TNS3: variants seen among roughly 807,000 people sequenced by gnomAD.
TNS3 encodes tensin 3, also known as tensin-3.
Under a neutral mutation model 140.9 loss-of-function variants are expected in TNS3, and 45 were observed. The observed-to-expected ratio is 0.32, with a 90% CI of 0.25 to 0.41. TNS3 has a LOEUF of 0.41. TNS3 is among the 10% of genes least tolerant of loss of function. TNS3 has a pLI of 1.00. For missense variants in TNS3, 1,716 were observed against 1,906.7 expected, an observed-to-expected ratio of 0.90 and a Z score of 1.86; for synonymous variants, 815 against 788.4, an observed-to-expected ratio of 1.03 and a Z score of -0.56.
chr7:47,563,042 G>A (rs542408656), intron 1 of TNS3, among the ~76,000 whole-genome samples: 4 of 152,270 alleles, frequency 2.6e-5, no homozygotes, highest in Admixed American at 6.5e-5. Flanking sequence ...AGCTATGCCC[G>A]TTCTTGTTTA....
At chr7:47,355,394 G>C (rs1423926994) in intron 17 of TNS3, among the ~76,000 whole-genome samples, 3 of 152,184 alleles carry the variant, frequency 2.0e-5, no homozygotes, top group Admixed American at 6.5e-5. Flanking sequence ...TCTGAGGAAA[G>C]AGCAGGAAAG....
At chr7:47,300,725 C>T (rs571502297) in intron 23 of TNS3, among the ~76,000 whole-genome samples, 20 of 152,330 alleles carry the variant, frequency 1.3e-4, no homozygotes, top group African/African-American at 4.6e-4. Context: ...GGATAGGCAC[C>T]TCTCAGTTTG....
chr7:47,293,693 T>G lies in TNS3; in HGVS notation c.3772+40A>C, dbSNP rs200937327. On this transcript the variant is annotated intron_variant, in intron 25 of 30. Transcript: ENST00000311160. ...GTGAGCAGAGGGAATCCAGGCCTCA[T>G]GAGTTCAGAACATTGACAGCAACCT... 1.9e-6 allele frequency: 3 copies of G among 1,579,112 alleles called. No homozygotes were observed. In the African/African-American group the frequency reaches 4.0e-5, roughly 21 times the overall value.
At chr7:47,359,801 G>C (rs752912568) in intron 17 of TNS3, among the ~76,000 whole-genome samples, 14 of 152,198 alleles carry the variant, frequency 9.2e-5, no homozygotes, top group Non-Finnish European at 1.3e-4. Flanking sequence ...GCGCTAGAAG[G>C]TATCTGTTAT....
intron 3 of TNS3, among the ~76,000 whole-genome samples, chr7:47,500,501 C>A (rs73695360): frequency 6.6e-6 from 1 of 152,152 alleles, no homozygotes; most frequent in Non-Finnish European, 1.5e-5. Context: ...AGAAGTGTGA[C>A]GAGTAAATGA....
At chr7:47,440,796 C>T (rs1353016496) in intron 5 of TNS3, among the ~76,000 whole-genome samples, 1 of 152,222 alleles carries the variant, frequency 6.6e-6, no homozygotes, top group Non-Finnish European at 1.5e-5. Flanking sequence ...GGGACGTGTC[C>T]TTAAGTCCCT....
chr7:47,580,036 A>G (rs888523561), intron 1 of TNS3: 2 of 141,780 alleles, frequency 1.4e-5, no homozygotes, highest in African/African-American at 4.9e-5. Context: ...GCATTCAGGA[A>G]TAAGTAGTGC....
intron 4 of TNS3, among the ~76,000 whole-genome samples, chr7:47,461,384 T>A (rs1186891620): frequency 6.6e-6 from 1 of 152,246 alleles, no homozygotes; most frequent in Non-Finnish European, 1.5e-5. Context: ...CAATATGGAA[T>A]GCATGGCCTG....
At chr7:47,366,600 G>C (rs75730522) in intron 17 of TNS3, among the ~76,000 whole-genome samples, 21 of 152,168 alleles carry the variant, frequency 1.4e-4, no homozygotes, top group African/African-American at 4.8e-4. Flanking sequence ...CAGGGTGTGT[G>C]CTCCTTCGCC....
intron 23 of TNS3, among the ~76,000 whole-genome samples, chr7:47,300,045 G>A (rs1440638574): frequency 6.6e-6 from 1 of 152,140 alleles, no homozygotes; most frequent in Admixed American, 6.5e-5. Context: ...TTTTATGTTA[G>A]CTTTAAGAAA....
chr7:47,325,532 G>T (rs1787980456), intron 20 of TNS3, among the ~76,000 whole-genome samples: 1 of 152,154 alleles, frequency 6.6e-6, no homozygotes. Context: ...GCGTTCTTAG[G>T]TTATCTCCTG....
intron 16 of TNS3, among the ~76,000 whole-genome samples, chr7:47,389,429 T>C (rs1401367181): frequency 6.6e-6 from 1 of 152,106 alleles, no homozygotes; most frequent in African/African-American, 2.4e-5. Context: ...TCCCAGGGGG[T>C]GATGCTACTT....
chr7:47,482,130 C>T (rs79353839), intron 3 of TNS3, among the ~76,000 whole-genome samples: 7,498 of 152,272 alleles, frequency 0.049, 251 homozygotes, highest in Non-Finnish European at 0.068. Context: ...CTGGCACTGC[C>T]CCCTCCAGAT....
intron 2 of TNS3, 105 bp from the exon 3 acceptor site, chr7:47,507,049 T>G: frequency 1.0e-6 from 1 of 977,666 alleles, no homozygotes; most frequent in Admixed American, 2.9e-5. Context: ...GGCTTGAAGA[T>G]CCCATAGGTG....
intron 2 of TNS3, among the ~76,000 whole-genome samples, chr7:47,509,965 C>T (rs970648995): frequency 6.6e-6 from 1 of 152,224 alleles, no homozygotes; most frequent in African/African-American, 2.4e-5. Context: ...AATAGCAGCA[C>T]TAACACGAGT....
chr7:47,379,018 C>T (rs184922109), intron 16 of TNS3, among the ~76,000 whole-genome samples: 5 of 152,300 alleles, frequency 3.3e-5, no homozygotes, highest in East Asian at 1.9e-4. Context: ...TTTCAGGCTC[C>T]GGCGCATGGA....
chr7:47,413,223 ATTACAGGTG>A (rs1357691286), intron 12 of TNS3, among the ~76,000 whole-genome samples: 1 of 126,756 alleles, frequency 7.9e-6, no homozygotes. Flanking sequence ...AAGTGCTGGG[ATTACAGGTG>A]TGAGCCACCA....
chr7:47,465,034 T>C (rs1796646514), intron 4 of TNS3, among the ~76,000 whole-genome samples: 1 of 152,228 alleles, frequency 6.6e-6, no homozygotes, highest in East Asian at 1.9e-4. Flanking sequence ...CTGATCTCCC[T>C]GGTGAGTGAG....
chr7:47,568,112 T>G (rs971780393), intron 1 of TNS3, among the ~76,000 whole-genome samples: 1 of 152,118 alleles, frequency 6.6e-6, no homozygotes, highest in Non-Finnish European at 1.5e-5. Flanking sequence ...ATCAAGCTCT[T>G]GAAAAGTTGG....
Sources: gnomAD v4.1 joint callset for allele counts (sites outside exome capture counted in the v4.1 genomes callset) on GRCh38, gnomAD v4.1.1 for gene constraint, MANE v1.5 for transcripts, NCBI Gene and HGNC (gene_info 2026-07-23, HGNC 2026-07-21) for gene names.